Variants in GPD1L observed in about 807,000 individuals in gnomAD.
GPD1L encodes glycerol-3-phosphate dehydrogenase 1 like.
Under a neutral mutation model 32.9 loss-of-function variants are expected in GPD1L, and 17 were observed. The observed-to-expected ratio is 0.52, with a 90% confidence interval of 0.35 to 0.78. The LOEUF is 0.78. Ranked by LOEUF, GPD1L falls within the 30% of genes least tolerant of loss-of-function variation. GPD1L has a pLI of 0.01. For synonymous variants in GPD1L, 187 were observed against 165.9 expected, an observed-to-expected ratio of 1.13 and a Z score of -0.98; for missense variants, 361 against 447.8, an observed-to-expected ratio of 0.81 and a Z score of 1.75.
In GPD1L at chr3:32,168,258, T is replaced by C. The variant is rs3087806; in HGVS notation, c.*2348T>C. 0.5 allele frequency: 75,727 copies of C among 152,090 alleles called. 20,030 individuals carry two copies. Among genetic ancestry groups the C allele is most frequent in the African/African-American group, 0.66 (27,382 of 41,440 alleles). 9.4% of individuals were successfully genotyped at this position (152,090 alleles called of 1,614,324 possible). A position where few individuals can be genotyped will look rare whatever the true frequency, so the allele number is the denominator to read the frequency against. On this transcript the variant is annotated 3_prime_UTR_variant, in exon 8 of 8. Coordinates refer to ENST00000282541, the MANE Select transcript of GPD1L (RefSeq NM_015141.4). ...TCTACTAACTGTAGATATTTATGAC[T>C]CTGCGAGTTATCTATTTTTATAACC...
chr3:32,113,146 A>G (rs995272420), intron 1 of GPD1L, among the ~76,000 whole-genome samples: 1 of 133,412 alleles, frequency 7.5e-6, no homozygotes, highest in Admixed American at 7.0e-5. Context: ...TTTCCCACCA[A>G]TGTAGTCATC....
rs1559570375 is a variant in GPD1L, at chr3:32,121,457, CTATATATATT to C, written c.48-6617_48-6608del. The stretch of plus-strand genomic sequence containing the variant: ...GCTTTCTTTATATATATATTTCTCT[CTATATATATT>C]TCTCTCTATATATATTTCTCTCTAT... On this transcript the variant is annotated intron_variant, in intron 1 of 7. Coordinates refer to ENST00000282541, the MANE Select transcript of GPD1L (RefSeq NM_015141.4). Among the ~76,000 whole-genome samples, 42 of 36,920 alleles carry C rather than the reference CTATATATATT, an allele frequency of 1.1e-3. 2 individuals are homozygous for C. The highest frequency in any genetic ancestry group is 2.6e-3 in the Non-Finnish European group (30 of 11,460). 24.2% of individuals were successfully genotyped at this position (36,920 alleles called of 152,430 possible). A position where few individuals can be genotyped will look rare whatever the true frequency, so the allele number is the denominator to read the frequency against.
intron 1 of GPD1L, among the ~76,000 whole-genome samples, chr3:32,107,208 G>GC (rs1700176917): frequency 6.6e-6 from 1 of 152,156 alleles, no homozygotes. Context: ...GGCTCTTGCT[G>GC]CCCAGGTCAC....
At chr3:32,165,734 G>T in intron 7 of GPD1L, 80 bp from the exon 8 acceptor site, 1 of 778,072 alleles carries the variant, frequency 1.3e-6, no homozygotes, top group Non-Finnish European at 2.3e-6. Context: ...CCTGCAATCT[G>T]TTAGGACAGA....
intron 5 of GPD1L, among the ~76,000 whole-genome samples, chr3:32,154,370 T>A (rs943920291): frequency 2.0e-5 from 3 of 152,194 alleles, no homozygotes; most frequent in Admixed American, 6.5e-5. Context: ...CTTTTCTGAG[T>A]ACAGCAACAT....
intron 7 of GPD1L, among the ~76,000 whole-genome samples, chr3:32,164,720 C>G (rs1169056535): frequency 6.6e-6 from 1 of 152,158 alleles, no homozygotes; most frequent in African/African-American, 2.4e-5. Flanking sequence ...CAAAACATTC[C>G]GTACCTTAAA....
Position 32,146,708 on chromosome 3 carries a change from A to G in GPD1L, c.592A>G (p.Thr198Ala). 10 of 1,610,718 alleles carry G rather than the reference A, an allele frequency of 6.2e-6. No homozygotes were observed. Among genetic ancestry groups the G allele is most frequent in the African/African-American group, 1.3e-5 (1 of 74,976 alleles). Residue 198 changes from threonine (T) to alanine (A), a missense_variant, in exon 5 of 8, where the codon ACT becomes GCT. Coordinates refer to ENST00000282541, the MANE Select transcript of GPD1L (RefSeq NM_015141.4). The part of the protein sequence containing the change: ...FRITVVDDAD[T>A]VELCGALKNI... ...AATTACCGTGGTTGATGATGCAGAC[A>G]CTGTTGAACTCTGTGGTGCGCTTAA...
intron 1 of GPD1L, among the ~76,000 whole-genome samples, chr3:32,117,336 C>G (rs1700346272): frequency 6.6e-6 from 1 of 152,196 alleles, no homozygotes; most frequent in Non-Finnish European, 1.5e-5. Context: ...TTTCTTATTT[C>G]ATTTTTCACT....
intron 1 of GPD1L, among the ~76,000 whole-genome samples, chr3:32,110,210 G>A (rs1369722555): frequency 2.6e-5 from 4 of 152,346 alleles, no homozygotes; most frequent in East Asian, 3.9e-4. Context: ...AAGCCACTGC[G>A]CCCGGCCTAA....
chr3:32,166,822 G>A lies in GPD1L; in HGVS notation c.*912G>A, dbSNP rs886058333. The A allele has an allele frequency of 1.3e-5, 2 of 152,332 alleles. No homozygotes were observed. 9.4% of individuals were successfully genotyped at this position (152,332 alleles called of 1,614,324 possible). On this transcript the variant is annotated 3_prime_UTR_variant, in exon 8 of 8. Coordinates refer to ENST00000282541, the MANE Select transcript of GPD1L (RefSeq NM_015141.4). Reference sequence around the variant, plus strand: ...GCCAAGGTGCATGACCCTCTGAGAAGTCACTGGGCTGATTTGACCTCCGAC... The same window carrying A: ...GCCAAGGTGCATGACCCTCTGAGAAATCACTGGGCTGATTTGACCTCCGAC...
intron 1 of GPD1L, among the ~76,000 whole-genome samples, chr3:32,126,419 C>G (rs908163849): frequency 5.9e-5 from 9 of 152,092 alleles, no homozygotes; most frequent in African/African-American, 2.2e-4. Context: ...CTCATAGTCC[C>G]TCGTCAGTTG....
chr3:32,108,666 C>A lies in GPD1L; in HGVS notation c.47+1908C>A, dbSNP rs1216196881. Among the ~76,000 whole-genome samples the A allele has an allele frequency of 2.0e-5, 3 of 152,336 alleles. No individual in the cohort carries two copies. In the East Asian group the frequency reaches 5.8e-4, roughly 29 times the overall value. On this transcript the variant is annotated intron_variant, in intron 1 of 7. Coordinates refer to ENST00000282541, the MANE Select transcript of GPD1L (RefSeq NM_015141.4). The stretch of plus-strand genomic sequence containing the variant: ...CTGTCCTTTCTGGAGGAATTCCATG[C>A]AAGTGAATGCTTACATATAGTCCTT...
chr3:32,140,046 T>C (rs1315844685), intron 3 of GPD1L, among the ~76,000 whole-genome samples, 182 bp from the exon 4 acceptor site: 2 of 152,076 alleles, frequency 1.3e-5, no homozygotes, highest in Admixed American at 6.5e-5. Flanking sequence ...TTAACACGAG[T>C]GATGAGTACA....
chr3:32,150,940 A>G (rs1484171417), intron 5 of GPD1L: 2 of 194,218 alleles, frequency 1.0e-5, no homozygotes, highest in South Asian at 1.0e-4. Flanking sequence ...CAAAAAATAA[A>G]CAAAATTAGT....
At chr3:32,155,400 C>T (rs1198192808) in intron 5 of GPD1L, among the ~76,000 whole-genome samples, 1 of 152,212 alleles carries the variant, frequency 6.6e-6, no homozygotes, top group Non-Finnish European at 1.5e-5. Context: ...GCCTCCCCTC[C>T]TCTGTTGACA....
intron 4 of GPD1L, 54 bp downstream of exon 4, chr3:32,140,420 T>G (rs1418591117): frequency 1.1e-5 from 17 of 1,575,274 alleles, no homozygotes; most frequent in Admixed American, 5.0e-5. Flanking sequence ...TGTTTGAACA[T>G]GTACATATTC....
chr3:32,112,562 A>G (rs1377471962), intron 1 of GPD1L, among the ~76,000 whole-genome samples: 1 of 152,192 alleles, frequency 6.6e-6, no homozygotes, highest in African/African-American at 2.4e-5. Flanking sequence ...ACTTGAGCCC[A>G]GGAGGCAAAG....
chr3:32,127,948 G>T, intron 1 of GPD1L, 128 bp from the exon 2 acceptor site: 1 of 735,430 alleles, frequency 1.4e-6, no homozygotes, highest in Non-Finnish European at 2.4e-6. Context: ...GCTGATACAC[G>T]TCACATCTTG....
intron 5 of GPD1L, among the ~76,000 whole-genome samples, chr3:32,147,634 AAT>A (rs1193040704): frequency 6.6e-6 from 1 of 152,190 alleles, no homozygotes; most frequent in East Asian, 1.9e-4. Context: ...GAATAGGGGA[AAT>A]AAAAAGTTCT....
Sources: gnomAD v4.1 joint callset for allele counts (sites outside exome capture counted in the v4.1 genomes callset) on GRCh38, gnomAD v4.1.1 for gene constraint, MANE v1.5 for transcripts, NCBI Gene and HGNC (gene_info 2026-07-23, HGNC 2026-07-21) for gene names.